Variants in ABCG2 observed in about 807,000 individuals in gnomAD.
ABCG2 encodes ATP binding cassette subfamily G member 2 (JR blood group), also known as broad substrate specificity ATP-binding cassette transporter ABCG2.
A neutral mutation model predicts 73.5 loss-of-function variants in ABCG2; 80 were observed. That is an observed-to-expected ratio of 1.09 (90% confidence interval 0.91 to 1.31). The LOEUF is 1.31. Ranked by LOEUF, ABCG2 falls within the 50% of genes most tolerant of loss-of-function variation. The pLI is 0.00. For missense variants in ABCG2, 796 were observed against 786.2 expected, an observed-to-expected ratio of 1.01 and a Z score of -0.15; for synonymous variants, 269 against 282.4, an observed-to-expected ratio of 0.95 and a Z score of 0.48.
chr4:88,132,606 A>T lies in ABCG2; in HGVS notation c.233T>A (p.Ile78Asn). ...TTTGCCTCCACCTGTGGGTCCCAGG[A>T]TGGCGTTGAGACCAGGTTTCATGAT... is the stretch of plus-strand genomic sequence containing the variant. Reference protein sequence around the residue: ...NGIMKPGLNAILGPTGGGKSS... With the variant: ...NGIMKPGLNANLGPTGGGKSS... Residue 78 changes from isoleucine to asparagine, a missense_variant, in exon 3 of 16, where the codon ATC (isoleucine) becomes AAC (asparagine). Coordinates refer to ENST00000237612, the MANE Select transcript of ABCG2 (RefSeq NM_004827.3). 6.2e-7 allele frequency: 1 copy of T among 1,614,190 alleles called. No homozygotes were observed. The highest frequency in any genetic ancestry group is 8.5e-7 in the Non-Finnish European group (1 of 1,180,016).
chr4:88,153,373 A>C (rs1049096344), intron 1 of ABCG2, among the ~76,000 whole-genome samples: 2 of 152,150 alleles, frequency 1.3e-5, no homozygotes, highest in African/African-American at 4.8e-5. Context: ...GCATCTATAC[A>C]GGAGCTCAAA....
chr4:88,120,473 C>A (rs1723893290), intron 6 of ABCG2, among the ~76,000 whole-genome samples: 1 of 152,200 alleles, frequency 6.6e-6, no homozygotes, highest in South Asian at 2.1e-4. Flanking sequence ...CCCTGCAAAT[C>A]CACAAGGCCA....
intron 1 of ABCG2, among the ~76,000 whole-genome samples, chr4:88,143,331 T>C (rs185998084): frequency 2.0e-5 from 3 of 152,292 alleles, no homozygotes; most frequent in African/African-American, 7.2e-5. Flanking sequence ...ATTCCAACAC[T>C]AGCAATCACT....
At chr4:88,198,631 C>G (rs1729032627) in intron 1 of ABCG2, among the ~76,000 whole-genome samples, 1 of 151,612 alleles carries the variant, frequency 6.6e-6, no homozygotes, top group South Asian at 2.1e-4. Flanking sequence ...GACTATGCCT[C>G]TAAAAAAGAA....
intron 5 of ABCG2, among the ~76,000 whole-genome samples, chr4:88,126,258 C>A (rs1407540860): frequency 6.6e-6 from 1 of 152,172 alleles, no homozygotes; most frequent in South Asian, 2.1e-4. Context: ...GGACCAATAG[C>A]AAGTTCTGAA....
At chr4:88,229,171 G>A (rs886784736) in intron 1 of ABCG2, among the ~76,000 whole-genome samples, 2 of 152,210 alleles carry the variant, frequency 1.3e-5, no homozygotes, top group African/African-American at 4.8e-5. Context: ...TTGCTGCGAA[G>A]GTTTGCAGCT....
chr4:88,154,587 C>G (rs1435012030), intron 1 of ABCG2, among the ~76,000 whole-genome samples: 1 of 152,078 alleles, frequency 6.6e-6, no homozygotes, highest in African/African-American at 2.4e-5. Context: ...ATCAGTAAAC[C>G]AAGTGTTCAG....
chr4:88,153,838 T>C (rs1365622449), intron 1 of ABCG2, among the ~76,000 whole-genome samples: 1 of 152,080 alleles, frequency 6.6e-6, no homozygotes, highest in African/African-American at 2.4e-5. Flanking sequence ...ACCCCGAGCT[T>C]GATGTGTAGG....
intron 1 of ABCG2, among the ~76,000 whole-genome samples, chr4:88,197,769 C>T (rs1728994302): frequency 6.6e-6 from 1 of 151,964 alleles, no homozygotes; most frequent in Non-Finnish European, 1.5e-5. Context: ...CATTACCGCA[C>T]TCCAGCCTGG....
Position 88,115,536 on chromosome 4 carries a change from G to A in ABCG2, c.842-478C>T, listed in dbSNP as rs558794427. Among the ~76,000 whole-genome samples the A allele has an allele frequency of 4.6e-4, 69 of 149,210 alleles. 1 individual carries two copies. Among genetic ancestry groups the A allele is most frequent in the South Asian group, 8.5e-4 (4 of 4,720 alleles). On this transcript the variant is annotated intron_variant, in intron 7 of 15. Coordinates refer to ENST00000237612, the MANE Select transcript of ABCG2 (RefSeq NM_004827.3). ...TGGCCTCAAGTGATCCACCCGCCTC[G>A]GCCTCCCAAAGTGCTGGGATTACAG...
intron 1 of ABCG2, among the ~76,000 whole-genome samples, chr4:88,212,636 C>G (rs1387873389): frequency 1.3e-5 from 2 of 152,140 alleles, no homozygotes; most frequent in Non-Finnish European, 2.9e-5. Flanking sequence ...GGCCTAAAAC[C>G]CATTAATTAC....
At chr4:88,215,798 G>T (rs376129166) in intron 1 of ABCG2, among the ~76,000 whole-genome samples, 8 of 152,188 alleles carry the variant, frequency 5.3e-5, no homozygotes, top group East Asian at 1.9e-4. Context: ...TTCCTAAGAT[G>T]CTGCTTGACA....
intron 15 of ABCG2, 119 bp downstream of exon 15, chr4:88,094,458 C>A: frequency 1.3e-6 from 1 of 775,818 alleles, no homozygotes; most frequent in Non-Finnish European, 2.1e-6. Context: ...GATGAGAAAA[C>A]GTAGGCTCGG....
At chr4:88,166,892 T>C (rs1727544043) in intron 1 of ABCG2, among the ~76,000 whole-genome samples, 1 of 151,966 alleles carries the variant, frequency 6.6e-6, no homozygotes, top group Non-Finnish European at 1.5e-5. Context: ...GGTCACTGAG[T>C]GGGATACTGG....
At chr4:88,141,432 T>C (rs1472723147) in intron 1 of ABCG2, among the ~76,000 whole-genome samples, 1 of 152,192 alleles carries the variant, frequency 6.6e-6, no homozygotes, top group Non-Finnish European at 1.5e-5. Context: ...AAGCCTCTAC[T>C]ATTTCTGAGC....
intron 5 of ABCG2, 102 bp from the exon 6 acceptor site, chr4:88,121,894 A>C: frequency 8.7e-7 from 1 of 1,155,804 alleles, no homozygotes; most frequent in Non-Finnish European, 1.2e-6. Context: ...TTATCTCATT[A>C]AGTTCATTTA....
Position 88,118,091 on chromosome 4 carries a change from T to C in ABCG2, c.841+18A>G, listed in dbSNP as rs2231147. The C allele has an allele frequency of 0.011, 17,186 of 1,609,010 alleles. 1,346 individuals are homozygous for C. In the African/African-American group the frequency reaches 0.19, roughly 18 times the overall value. ...TCTATTAATGAAGCATTTTACAGCA[T>C]AAAAAAGTCAACCATACCAGCTGAT... On this transcript the variant is annotated intron_variant, in intron 7 of 15. Transcript: ENST00000237612.
Position 88,091,601 on chromosome 4 carries a change from T to A in ABCG2, c.*633A>T, listed in dbSNP as rs1457761250. 6.6e-6 allele frequency: 1 copy of A among 152,218 alleles called. No homozygotes were observed. Among genetic ancestry groups the A allele is most frequent in the Non-Finnish European group, 1.5e-5 (1 of 68,058 alleles). 9.4% of individuals were successfully genotyped at this position (152,218 alleles called of 1,614,324 possible). ...AGAAATGGTGCAAGAATTCTATTAC[T>A]GGACTCCTGGCCCTCTACTCTACCC... On this transcript the variant is annotated 3_prime_UTR_variant, in exon 16 of 16. Coordinates refer to ENST00000237612, the MANE Select transcript of ABCG2 (RefSeq NM_004827.3).
intron 1 of ABCG2, among the ~76,000 whole-genome samples, chr4:88,191,078 TACAC>T (rs1288143840): frequency 6.6e-6 from 1 of 150,508 alleles, no homozygotes; most frequent in East Asian, 2.0e-4. Flanking sequence ...GTACTAAAAA[TACAC>T]ACACAAAAAA....
Sources: allele counts gnomAD v4.1 joint callset (sites outside exome capture counted in the v4.1 genomes callset), GRCh38; gene constraint gnomAD v4.1.1; transcripts MANE v1.5; gene names NCBI Gene and HGNC (gene_info 2026-07-23, HGNC 2026-07-21).